TMEM232: variants seen among roughly 807,000 people sequenced by gnomAD.
The protein encoded by TMEM232 is transmembrane protein 232.
TMEM232 carries 80 observed loss-of-function variants against 78.8 expected under a neutral mutation model. The observed-to-expected ratio is 1.01, with a 90% CI of 0.85 to 1.22. TMEM232 has a LOEUF of 1.22. Ranked by LOEUF, TMEM232 falls within the 50% of genes most tolerant of loss-of-function variation. The pLI is 0.00. For missense variants in TMEM232, 881 were observed against 742.2 expected (o/e 1.19, Z -2.17); for synonymous variants, 297 against 254.3 (o/e 1.17, Z -1.60).
intron 1 of TMEM232, among the ~76,000 whole-genome samples, chr5:110,708,732 C>T (rs1796186906): frequency 2.0e-5 from 3 of 151,594 alleles, no homozygotes; most frequent in African/African-American, 2.4e-5. Flanking sequence ...GCAACAGATT[C>T]ACAAAAAATA....
At chr5:110,400,382 C>T (rs1181381579) in intron 2 of TMEM232, among the ~76,000 whole-genome samples, 2 of 151,938 alleles carry the variant, frequency 1.3e-5, no homozygotes, top group Non-Finnish European at 2.9e-5. Flanking sequence ...GAAGAAAATG[C>T]CTGCCACATT....
At chr5:110,708,671 G>C (rs1350505164) in intron 1 of TMEM232, among the ~76,000 whole-genome samples, 1 of 151,984 alleles carries the variant, frequency 6.6e-6, no homozygotes, top group Non-Finnish European at 1.5e-5. Flanking sequence ...AAAATAATGG[G>C]TTATAAGACA....
At chr5:110,701,091 T>C (rs1262125988) in intron 1 of TMEM232, among the ~76,000 whole-genome samples, 1 of 151,936 alleles carries the variant, frequency 6.6e-6, no homozygotes, top group East Asian at 1.9e-4. Context: ...ATAATGATCA[T>C]ATTTTCTTCT....
chr5:110,664,834 G>A (rs528472283), intron 2 of TMEM232, among the ~76,000 whole-genome samples: 1 of 152,258 alleles, frequency 6.6e-6, no homozygotes, highest in East Asian at 1.9e-4. Context: ...CCTCATCTAT[G>A]CCCAATTACC....
intron 1 of TMEM232, among the ~76,000 whole-genome samples, chr5:110,712,602 C>A (rs182142148): frequency 6.6e-6 from 1 of 152,186 alleles, no homozygotes; most frequent in Non-Finnish European, 1.5e-5. Context: ...CCCTGACCAC[C>A]GATCAAAATG....
intron 2 of TMEM232, 59 bp downstream of exon 2, chr5:110,667,169 T>C (rs376121710): frequency 1.5e-6 from 2 of 1,364,712 alleles, no homozygotes; most frequent in Non-Finnish European, 1.9e-6. Flanking sequence ...TTTTCAGTTT[T>C]CTATATTTTC....
intron 1 of TMEM232, among the ~76,000 whole-genome samples, chr5:110,681,167 C>T (rs1792702335): frequency 6.6e-6 from 1 of 152,086 alleles, no homozygotes; most frequent in South Asian, 2.1e-4. Context: ...TGGTTGAAAA[C>T]CACTTGTATA....
At chr5:110,653,058 T>C (rs1335905832) in intron 2 of TMEM232, among the ~76,000 whole-genome samples, 2 of 152,212 alleles carry the variant, frequency 1.3e-5, no homozygotes, top group African/African-American at 4.8e-5. Context: ...TCAATAACTA[T>C]TTAATGAAAG....
chr5:110,685,610 A>T (rs1793300649), intron 1 of TMEM232, among the ~76,000 whole-genome samples: 1 of 152,136 alleles, frequency 6.6e-6, no homozygotes, highest in Non-Finnish European at 1.5e-5. Context: ...GTGCCTTTGT[A>T]AGTTAACTGT....
At chr5:110,592,817 T>G (rs964331848) in intron 10 of TMEM232, among the ~76,000 whole-genome samples, 1 of 152,198 alleles carries the variant, frequency 6.6e-6, no homozygotes, top group African/African-American at 2.4e-5. Flanking sequence ...GAAATGCTGA[T>G]AGCATGTGAC....
chr5:110,408,803 CT>C (rs1464683236), intron 2 of TMEM232, among the ~76,000 whole-genome samples: 16 of 152,108 alleles, frequency 1.1e-4, no homozygotes, highest in African/African-American at 3.6e-4. Context: ...CAGTATTTCA[CT>C]TGTTCTTTTT....
chr5:110,447,315 C>T (rs932663317), intron 12 of TMEM232, among the ~76,000 whole-genome samples: 3 of 152,056 alleles, frequency 2.0e-5, no homozygotes, highest in African/African-American at 7.2e-5. Context: ...TCCTGCACAG[C>T]CACATTGCAT....
chr5:110,737,769 T>C (rs1243763377), intron 1 of TMEM232, among the ~76,000 whole-genome samples: 1 of 152,230 alleles, frequency 6.6e-6, no homozygotes, highest in Admixed American at 6.5e-5. Context: ...TGTTAAAATG[T>C]CATTTTTCTG....
chr5:110,481,885 T>C (rs1268478555), intron 12 of TMEM232, among the ~76,000 whole-genome samples: 3 of 152,174 alleles, frequency 2.0e-5, no homozygotes, highest in African/African-American at 4.8e-5. Context: ...TGGTGAAAGC[T>C]AATAAGAATA....
intron 12 of TMEM232, among the ~76,000 whole-genome samples, chr5:110,486,665 T>C (rs1166744458): frequency 2.0e-5 from 3 of 152,178 alleles, no homozygotes; most frequent in East Asian, 3.8e-4. Context: ...TTCTGTTCCA[T>C]TGGTCTATGT....
intron 1 of TMEM232, chr5:110,725,575 A>C (rs1798070651): frequency 1.3e-5 from 2 of 152,186 alleles, no homozygotes. Flanking sequence ...GGTCTTAGTG[A>C]AATAAAAATC....
In TMEM232 at chr5:110,561,095, G is replaced by T. The variant is rs185402277; in HGVS notation, c.1455+7352C>A. ...ACATAAAATTTATGTAGTAAGAAAT[G>T]TTAACAATCCTTTTTATATTCTTGT... On this transcript the variant is annotated intron_variant, in intron 11 of 13. Coordinates refer to ENST00000455884, the MANE Select transcript of TMEM232 (RefSeq NM_001039763.4). Among the ~76,000 whole-genome samples the T allele has an allele frequency of 2.6e-5, 4 of 152,160 alleles. No individual in the cohort carries two copies. In the East Asian group the frequency reaches 7.7e-4, roughly 29 times the overall value.
intron 1 of TMEM232, among the ~76,000 whole-genome samples, chr5:110,687,655 T>C (rs1308265351): frequency 6.6e-6 from 1 of 152,174 alleles, no homozygotes. Context: ...TTTTGGTTTC[T>C]ATTACAAAGT....
At chr5:110,678,114 G>T (rs953184585) in intron 1 of TMEM232, among the ~76,000 whole-genome samples, 1 of 152,122 alleles carries the variant, frequency 6.6e-6, no homozygotes, top group African/African-American at 2.4e-5. Flanking sequence ...GCCCAGGCTA[G>T]AGTGCAATGG....
Sources: gnomAD v4.1 joint callset for allele counts (sites outside exome capture counted in the v4.1 genomes callset) on GRCh38, gnomAD v4.1.1 for gene constraint, MANE v1.5 for transcripts, NCBI Gene and HGNC (gene_info 2026-07-23, HGNC 2026-07-21) for gene names.